The following PHF24 variants were observed in gnomAD, a reference collection of about 807,000 sequenced individuals.
PHF24 encodes the protein Galpha inhibitory interacting protein.
A neutral mutation model predicts 42.6 loss-of-function variants in PHF24; 25 were observed. That is an observed-to-expected ratio of 0.59 (90% CI 0.43 to 0.82). The LOEUF (loss-of-function observed/expected upper bound fraction) is 0.82. Ranked by LOEUF, PHF24 falls within the 40% of genes least tolerant of loss-of-function variation. PHF24 has a pLI of 0.00. For synonymous variants in PHF24, 185 were observed against 204.8 expected (o/e 0.90, Z 0.83); for missense variants, 470 against 538.1 (o/e 0.87, Z 1.25).
the PHF24 span, among the ~76,000 whole-genome samples, chr9:34,829,050 G>A: frequency 1.2e-4 from 18 of 152,050 alleles, no homozygotes; most frequent in African/African-American, 3.9e-4. Context: ...AATGGGGGAC[G>A]TTATGATGCT....
chr9:34,748,930 T>C, the PHF24 span, among the ~76,000 whole-genome samples: 1 of 152,068 alleles, frequency 6.6e-6, no homozygotes, highest in Non-Finnish European at 1.5e-5. Flanking sequence ...AAAATAGCTG[T>C]TTTGAGGAAA....
the PHF24 span, among the ~76,000 whole-genome samples, chr9:34,883,285 A>G: frequency 1.3e-5 from 2 of 152,214 alleles, no homozygotes; most frequent in Non-Finnish European, 2.9e-5. Flanking sequence ...AGGCAATACC[A>G]TTCAGGACAT....
At chr9:34,754,958 T>C in the PHF24 span, among the ~76,000 whole-genome samples, 2 of 152,124 alleles carry the variant, frequency 1.3e-5, no homozygotes, top group Non-Finnish European at 2.9e-5. Flanking sequence ...TGCATAGAAA[T>C]ACAAACTTTG....
the PHF24 span, among the ~76,000 whole-genome samples, chr9:34,748,037 TA>T: frequency 6.6e-6 from 1 of 152,198 alleles, no homozygotes; most frequent in Non-Finnish European, 1.5e-5. Flanking sequence ...TAGTATATAC[TA>T]TATAATTTCA....
the PHF24 span, among the ~76,000 whole-genome samples, chr9:34,805,081 T>C: frequency 6.6e-6 from 1 of 152,250 alleles, no homozygotes; most frequent in Admixed American, 6.5e-5. Flanking sequence ...TGTATGGATA[T>C]ACCATATTTT....
At chr9:34,923,135 G>A in the PHF24 span, among the ~76,000 whole-genome samples, 1 of 143,850 alleles carries the variant, frequency 7.0e-6, no homozygotes, top group Admixed American at 6.9e-5. Flanking sequence ...TATGATTTTT[G>A]TCCTTCATTC....
the PHF24 span, among the ~76,000 whole-genome samples, chr9:34,854,389 C>G: frequency 5.3e-4 from 81 of 152,078 alleles, no homozygotes; most frequent in African/African-American, 1.9e-3. Flanking sequence ...TGAGATCTTT[C>G]TAGCTTTTTG....
the PHF24 span, among the ~76,000 whole-genome samples, chr9:34,940,491 C>T: frequency 2.6e-5 from 4 of 152,096 alleles, no homozygotes; most frequent in Non-Finnish European, 5.9e-5. Context: ...GTGGCTCACA[C>T]CTATAATCCC....
At chr9:34,697,466 C>T in the PHF24 span, among the ~76,000 whole-genome samples, 19 of 152,132 alleles carry the variant, frequency 1.2e-4, no homozygotes, top group African/African-American at 4.3e-4. Flanking sequence ...ATTACAGGCA[C>T]ATACCATCAT....
chr9:34,692,945 C>T, the PHF24 span, among the ~76,000 whole-genome samples: 1 of 152,018 alleles, frequency 6.6e-6, no homozygotes, highest in Non-Finnish European at 1.5e-5. Flanking sequence ...CACCATCATG[C>T]CCGGCTAAAT....
At chr9:34,832,474 A>G in the PHF24 span, 1 of 1,512,380 alleles carries the variant, frequency 6.6e-7, no homozygotes, top group Non-Finnish European at 8.9e-7. Context: ...GCACGATGAG[A>G]TTGGGCCTTG....
At chr9:34,679,199 C>T in the PHF24 span, among the ~76,000 whole-genome samples, 1 of 152,148 alleles carries the variant, frequency 6.6e-6, no homozygotes, top group Non-Finnish European at 1.5e-5. Context: ...CTCACTTGGC[C>T]CTTTGACTCA....
chr9:34,828,442 A>G, the PHF24 span, among the ~76,000 whole-genome samples: 1 of 152,034 alleles, frequency 6.6e-6, no homozygotes, highest in African/African-American at 2.4e-5. Context: ...CATATTTTTC[A>G]AAAACCCTCT....
At chr9:34,957,201 A>C (rs1826394888), upstream of PHF24, among the ~76,000 whole-genome samples, 1 of 152,210 alleles carries the variant, frequency 6.6e-6, no homozygotes, top group Non-Finnish European at 1.5e-5. Flanking sequence ...TTAAGGGCAA[A>C]ATTTCTTTTT....
chr9:34,956,481 A>C (rs1395582390), upstream of PHF24, among the ~76,000 whole-genome samples: 1 of 152,140 alleles, frequency 6.6e-6, no homozygotes, highest in Non-Finnish European at 1.5e-5. Context: ...GCTGGTCTCG[A>C]CCTCAGGTGA....
the PHF24 span, among the ~76,000 whole-genome samples, chr9:34,754,605 G>C: frequency 6.6e-6 from 1 of 152,168 alleles, no homozygotes. Flanking sequence ...ACACTGTTGA[G>C]GGAATGTAAA....
the PHF24 span, among the ~76,000 whole-genome samples, chr9:34,864,173 A>G: frequency 3.9e-5 from 6 of 152,368 alleles, no homozygotes; most frequent in Admixed American, 1.3e-4. Context: ...TCAGAAGGGC[A>G]AATCTGAGTT....
chr9:34,781,573 C>T, the PHF24 span, among the ~76,000 whole-genome samples: 2 of 152,170 alleles, frequency 1.3e-5, no homozygotes. Flanking sequence ...CCGAATTATA[C>T]ATTTAAAAAT....
At chr9:34,677,545 C>T in the PHF24 span, among the ~76,000 whole-genome samples, 1 of 151,818 alleles carries the variant, frequency 6.6e-6, no homozygotes, top group African/African-American at 2.4e-5. Context: ...TACAGGTGCC[C>T]GCCACCACGC....
Sources: allele counts gnomAD v4.1 joint callset (sites outside exome capture counted in the v4.1 genomes callset), GRCh38; gene constraint gnomAD v4.1.1; transcripts MANE v1.5; gene names NCBI Gene and HGNC (gene_info 2026-07-23, HGNC 2026-07-21).